KATNAL2: variants seen among roughly 807,000 people sequenced by gnomAD.
KATNAL2 encodes the protein katanin catalytic subunit A1 like 2, also known as katanin p60 ATPase-containing subunit A-like 2.
KATNAL2 carries 52 observed loss-of-function variants against 76.3 expected under a neutral mutation model. The observed-to-expected ratio is 0.68, with a 90% CI of 0.55 to 0.86. KATNAL2 has a LOEUF of 0.86. Among genes scored for constraint, KATNAL2 ranks in the 40% least tolerant of loss-of-function variants. The pLI is 0.00. For missense variants in KATNAL2, 660 were observed against 668.9 expected, an observed-to-expected ratio of 0.99 and a Z score of 0.15; for synonymous variants, 243 against 244.2, an observed-to-expected ratio of 1.00 and a Z score of 0.05.
intron 11 of KATNAL2, 108 bp from the exon 12 acceptor site, chr18:47,069,112 T>C (rs2061910454): frequency 1.3e-6 from 1 of 751,504 alleles, no homozygotes. Flanking sequence ...GAGCCCTGAA[T>C]CTTAGAGCTG....
At chr18:47,053,980 T>A (rs2061405296) in intron 5 of KATNAL2, among the ~76,000 whole-genome samples, 1 of 152,222 alleles carries the variant, frequency 6.6e-6, no homozygotes, top group South Asian at 2.1e-4. Context: ...GGACACGTTA[T>A]TTTTATTTTA....
chr18:46,948,501 C>G (rs538276926), intron 3 of KATNAL2, among the ~76,000 whole-genome samples: 16 of 148,902 alleles, frequency 1.1e-4, no homozygotes, highest in African/African-American at 3.7e-4. Flanking sequence ...CTTGGCTCAC[C>G]GCAACCTCTG....
chr18:47,099,520 AGCT>A, intron 16 of KATNAL2, 115 bp downstream of exon 16: 1 of 1,000,848 alleles, frequency 1.0e-6, no homozygotes, highest in Non-Finnish European at 1.4e-6. Flanking sequence ...ATAAGATCCA[AGCT>A]GCCCCCGTAA....
chr18:46,930,688 A>G (rs2058880360), intron 1 of KATNAL2, among the ~76,000 whole-genome samples: 1 of 150,950 alleles, frequency 6.6e-6, no homozygotes, highest in Admixed American at 6.6e-5. Flanking sequence ...TGTGGCAGGC[A>G]CCTGTAATTC....
chr18:46,933,127 A>C (rs1599345294), intron 1 of KATNAL2, among the ~76,000 whole-genome samples: 2 of 152,126 alleles, frequency 1.3e-5, no homozygotes, highest in East Asian at 3.9e-4. Flanking sequence ...GGACGATCTC[A>C]TGTTAACATA....
chr18:47,075,144 A>G (rs935192811), intron 13 of KATNAL2, 133 bp from the exon 14 acceptor site: 11 of 591,764 alleles, frequency 1.9e-5, no homozygotes, highest in African/African-American at 2.0e-5. Flanking sequence ...TGTAATGATT[A>G]TAAAGTTTTT....
At chr18:47,092,647 C>T (rs969172994) in intron 15 of KATNAL2, among the ~76,000 whole-genome samples, 1 of 152,132 alleles carries the variant, frequency 6.6e-6, no homozygotes, top group African/African-American at 2.4e-5. Context: ...GTTTCATCTC[C>T]TTGGAGAGAA....
intron 15 of KATNAL2, among the ~76,000 whole-genome samples, chr18:47,081,533 C>G (rs2062520804): frequency 1.3e-5 from 2 of 152,154 alleles, no homozygotes; most frequent in Non-Finnish European, 2.9e-5. Context: ...AACTGGGTTT[C>G]AATACCCAAA....
chr18:47,034,289 C>T lies in KATNAL2; in HGVS notation c.52-12168C>T. 3 of 1,613,726 alleles carry T rather than the reference C, an allele frequency of 1.9e-6. No individual in the cohort carries two copies. In the South Asian group the frequency reaches 3.3e-5, roughly 18 times the overall value. Reference sequence around the variant, plus strand: ...GGCGACAGGCCGTGTGTCCCATTTCCTGGGTCCCGGCCGTCTAGACTGGGC... The same window carrying T: ...GGCGACAGGCCGTGTGTCCCATTTCTTGGGTCCCGGCCGTCTAGACTGGGC... On this transcript the variant is annotated intron_variant, in intron 3 of 17. Coordinates refer to ENST00000683218, the MANE Select transcript of KATNAL2 (RefSeq NM_001387690.1).
intron 14 of KATNAL2, chr18:47,076,115 T>C (rs917448778): frequency 6.6e-6 from 1 of 152,216 alleles, no homozygotes; most frequent in African/African-American, 2.4e-5. Context: ...TCAACACAGC[T>C]GCATTTATTA....
At chr18:47,032,834 TG>T (rs2060538771) in intron 3 of KATNAL2, 2 of 1,324,274 alleles carry the variant, frequency 1.5e-6, no homozygotes, top group Non-Finnish European at 2.1e-6. Context: ...TGGCTGGGTG[TG>T]GGAGGCAAAA....
chr18:46,958,071 C>T (rs1412441456), intron 3 of KATNAL2, among the ~76,000 whole-genome samples: 4 of 152,104 alleles, frequency 2.6e-5, no homozygotes, highest in Non-Finnish European at 4.4e-5. Context: ...CTGACCCTCC[C>T]ACATGTAAGA....
Position 46,917,610 on chromosome 18 carries a change from C to A in KATNAL2, c.-826C>A. On this transcript the variant is annotated 5_prime_UTR_variant, in exon 1 of 18. Transcript: ENST00000683218. ...CTTCCGCCCGCGCCTTCAGTCCGCG[C>A]GGCGACAGCGCCCGCCCGCGCCTGC... 1 of 984,074 alleles carries A rather than the reference C, an allele frequency of 1.0e-6. No homozygotes were observed. Among genetic ancestry groups the A allele is most frequent in the Middle Eastern group, 4.9e-4 (1 of 2,042 alleles). 61.0% of individuals were successfully genotyped at this position (984,074 alleles called of 1,614,324 possible).
intron 1 of KATNAL2, among the ~76,000 whole-genome samples, chr18:46,929,710 T>A (rs182184379): frequency 1.1e-4 from 17 of 152,300 alleles, no homozygotes; most frequent in Admixed American, 2.6e-4. Flanking sequence ...TTATTTTATT[T>A]CTCTAAAATA....
At chr18:47,038,173 C>T (rs2060845132) in intron 3 of KATNAL2, among the ~76,000 whole-genome samples, 1 of 152,190 alleles carries the variant, frequency 6.6e-6, no homozygotes, top group Non-Finnish European at 1.5e-5. Context: ...GTAAGCCTGT[C>T]TTTTAGGCTA....
intron 3 of KATNAL2, chr18:47,033,576 C>T: frequency 6.2e-7 from 1 of 1,614,188 alleles, no homozygotes; most frequent in South Asian, 1.1e-5. Flanking sequence ...GCTGATCGGG[C>T]CTCCACCCTT....
rs2059382300 is a variant in KATNAL2, at chr18:46,946,416, G to A, written c.-150G>A. ...CATGCACAGAGAATTTCAAAGAAAA[G>A]CAGAATAGATTTCCAAACCTTTACC... On this transcript the variant is annotated 5_prime_UTR_variant, in exon 2 of 18. Coordinates refer to ENST00000683218, the MANE Select transcript of KATNAL2 (RefSeq NM_001387690.1). 14 of 1,036,714 alleles carry A rather than the reference G, an allele frequency of 1.4e-5. No homozygotes were observed. Among genetic ancestry groups the A allele is most frequent in the Non-Finnish European group, 1.6e-5 (14 of 859,788 alleles). The allele number at this position is 1,036,714 out of a possible 1,614,324, so 64.2% of individuals were successfully genotyped here.
At chr18:46,947,271 T>G (rs754162301) in intron 3 of KATNAL2, among the ~76,000 whole-genome samples, 1 of 152,156 alleles carries the variant, frequency 6.6e-6, no homozygotes, top group African/African-American at 2.4e-5. Context: ...AAAATTAGAT[T>G]GTTGAAAGAC....
intron 1 of KATNAL2, among the ~76,000 whole-genome samples, chr18:46,937,008 T>C (rs1272880507): frequency 6.6e-6 from 1 of 152,158 alleles, no homozygotes; most frequent in Admixed American, 6.6e-5. Flanking sequence ...ATTAAGTGAC[T>C]ATAAACCAAT....
Sources: allele counts gnomAD v4.1 joint callset (sites outside exome capture counted in the v4.1 genomes callset), GRCh38; gene constraint gnomAD v4.1.1; transcripts MANE v1.5; gene names NCBI Gene and HGNC (gene_info 2026-07-23, HGNC 2026-07-21).